The following ATG2B variants were observed in gnomAD, a reference collection of about 807,000 sequenced individuals.
ATG2B encodes the protein autophagy-related protein 2 homolog B.
Under a neutral mutation model 241.3 loss-of-function variants are expected in ATG2B, and 121 were observed. That is an observed-to-expected ratio of 0.50 (90% CI 0.43 to 0.58). The LOEUF (loss-of-function observed/expected upper bound fraction) is 0.58. Among genes scored for constraint, ATG2B ranks in the 20% least tolerant of loss-of-function variants. ATG2B has a pLI of 0.00. For missense variants in ATG2B, 2,306 were observed against 2,491.6 expected (o/e 0.93, Z 1.59); for synonymous variants, 858 against 876.6 (o/e 0.98, Z 0.37).
At chr14:96,321,519 C>T (rs1309330967) in intron 18 of ATG2B, among the ~76,000 whole-genome samples, 1 of 152,106 alleles carries the variant, frequency 6.6e-6, no homozygotes, top group Non-Finnish European at 1.5e-5. Context: ...GAGCCAGGAT[C>T]ATCTCCATTT....
chr14:96,331,699 A>G lies in ATG2B; in HGVS notation c.1469-62T>C, dbSNP rs1176860417. On this transcript the variant is annotated intron_variant, in intron 10 of 41. Transcript: ENST00000359933. ...TGACACATAAAACTATTAAAATTAT[A>G]AAACATTTACTCATTTATTAGCTTT... 11 of 1,276,140 alleles carry G rather than the reference A, an allele frequency of 8.6e-6. No individual in the cohort carries two copies. In the East Asian group the frequency reaches 2.3e-4, roughly 27 times the overall value. The allele number at this position is 1,276,140 out of a possible 1,614,324, so 79.1% of individuals were successfully genotyped here.
In ATG2B at chr14:96,294,700, G is replaced by A. The variant is rs1886581943; in HGVS notation, c.5426+260C>T. Among the ~76,000 whole-genome samples the A allele has an allele frequency of 1.3e-5, 2 of 152,168 alleles. 1 individual carries two copies. Among genetic ancestry groups the A allele is most frequent in the South Asian group, 4.1e-4 (2 of 4,830 alleles). Reference sequence around the variant, plus strand: ...TGCTGGAAAGAGGGGACAGAGGAGAGAAAAAGAAGGAAGAAGCTAGAAGAA... The same window carrying A: ...TGCTGGAAAGAGGGGACAGAGGAGAAAAAAAGAAGGAAGAAGCTAGAAGAA... On this transcript the variant is annotated intron_variant, in intron 36 of 41. Transcript: ENST00000359933.
At chr14:96,294,863 G>T in intron 36 of ATG2B, 97 bp downstream of exon 36, 3 of 1,091,336 alleles carry the variant, frequency 2.7e-6, no homozygotes, top group South Asian at 1.5e-5. Context: ...GCAAAGAAAA[G>T]CTGACGGAAC....
chr14:96,314,561 A>G (rs1887252008), intron 23 of ATG2B, among the ~76,000 whole-genome samples: 2 of 151,720 alleles, frequency 1.3e-5, no homozygotes, highest in Non-Finnish European at 2.9e-5. Context: ...GTCCTGGGAT[A>G]CAGAGTCCCT....
Position 96,289,650 on chromosome 14 carries a change from A to G in ATG2B, c.6006+6T>C, listed in dbSNP as rs747197195. ...TTCTGATGTGTCCACCCAAGTATTC[A>G]GTTACCTCTTTCACAACACTGTAGG... On this transcript the variant is annotated splice_donor_region_variant and intron_variant, in intron 41 of 41. Transcript: ENST00000359933. The surrounding 1 kb of genome is among the most constrained non-coding windows in gnomAD (Gnocchi z 4.3). The G allele has an allele frequency of 2.5e-6, 4 of 1,614,012 alleles. No homozygotes were observed. The Admixed American group carries it at 6.7e-5, about 27-fold the overall frequency.
intron 29 of ATG2B, 142 bp downstream of exon 29, chr14:96,309,311 T>C: frequency 9.5e-7 from 1 of 1,050,958 alleles, no homozygotes; most frequent in African/African-American, 1.6e-5. Context: ...AGACACTGAG[T>C]AGACACAAGC....
intron 18 of ATG2B, among the ~76,000 whole-genome samples, chr14:96,321,005 A>C (rs1887443347): frequency 3.3e-5 from 5 of 152,124 alleles, no homozygotes; most frequent in Admixed American, 2.6e-4. Context: ...TATAAATTTT[A>C]AAAGATTATT....
chr14:96,293,000 T>G (rs1886530600), intron 36 of ATG2B: 1 of 152,234 alleles, frequency 6.6e-6, no homozygotes, highest in Non-Finnish European at 1.5e-5. Context: ...ATTTGTATTA[T>G]TTTTATTGCC....
chr14:96,331,732 A>C (rs1887742604), intron 10 of ATG2B, 95 bp from the exon 11 acceptor site: 1 of 975,254 alleles, frequency 1.0e-6, no homozygotes, highest in African/African-American at 1.7e-5. Context: ...TTTAAAAAAC[A>C]GATGATCATA....
At position 96,306,729 on chromosome 14, in the gene ATG2B, TG is replaced by T. The variant is rs1886959704; in HGVS notation, c.4490del (p.Pro1497GlnfsTer14). The T allele has an allele frequency of 6.2e-7, 1 of 1,613,564 alleles. No individual in the cohort carries two copies. Among genetic ancestry groups the T allele is most frequent in the Non-Finnish European group, 8.5e-7 (1 of 1,179,714 alleles). On this transcript the variant is annotated frameshift_variant, in exon 30 of 42. Transcript: ENST00000359933. LOFTEE classifies it high-confidence loss of function. ...ENDDFCILFA[P>X]KAAMQEKEEE... ...AATTTATTACCTGCATGGCTGCTTT[TG>T]GTGCAAAAAGAATGCAAAAGTCATC...
chr14:96,341,476 G>T (rs1157683473), intron 6 of ATG2B, 46 bp downstream of exon 6: 18 of 1,429,030 alleles, frequency 1.3e-5, no homozygotes, highest in Non-Finnish European at 1.7e-5. Flanking sequence ...AAGAATACTT[G>T]TACTTTTATT....
At position 96,292,328 on chromosome 14, in the gene ATG2B, G is replaced by A. The variant is rs6575580; in HGVS notation, c.5427-230C>T. ...TATTATTATATTTGCATTTCTCACAGAAAGCTTTTCTTAGTTACGTCTATA... is the reference window on the plus strand; with the variant it reads ...TATTATTATATTTGCATTTCTCACAAAAAGCTTTTCTTAGTTACGTCTATA... On this transcript the variant is annotated intron_variant, in intron 36 of 41. Coordinates refer to ENST00000359933, the MANE Select transcript of ATG2B (RefSeq NM_018036.7). 0.78 allele frequency among the ~76,000 whole-genome samples: 118,021 copies of A among 152,052 alleles called. 46,352 individuals carry two copies. The highest frequency in any genetic ancestry group is 0.89 in the African/African-American group (37,130 of 41,512).
In ATG2B at chr14:96,313,096, C is replaced by T. The variant is rs766450496; in HGVS notation, c.3811G>A (p.Val1271Ile). The change falls in exon 25 of 42, where the codon GTT becomes ATT. Residue 1271 changes from valine to isoleucine, a missense_variant. Coordinates refer to ENST00000359933, the MANE Select transcript of ATG2B (RefSeq NM_018036.7). The stretch of plus-strand genomic sequence containing the variant: ...GTAGAGGAAGATTTATCCAATGCAA[C>T]GCTACTGGAAACACTGAATGTTTCC... The part of the protein sequence containing the change: ...TVETFSVSSS[V>I]ALDKSSSTLR... The T allele has an allele frequency of 8.7e-6, 14 of 1,612,920 alleles. No homozygotes were observed. Among genetic ancestry groups the T allele is most frequent in the South Asian group, 7.7e-5 (7 of 91,018 alleles).
chr14:96,301,970 T>A, intron 34 of ATG2B, 37 bp downstream of exon 34: 1 of 1,456,230 alleles, frequency 6.9e-7, no homozygotes. Context: ...CAGTCTAATC[T>A]AACTGTAACG....
rs752632784 is a variant in ATG2B, at chr14:96,325,646, T to C, written c.2437+3A>G. On this transcript the variant is annotated splice_donor_region_variant and intron_variant, in intron 15 of 41. Transcript: ENST00000359933. Reference sequence around the variant, plus strand: ...GTTCTTTTACAGGCACATTCAATCTTACCAATTAGTTCTCTAAAGGTAAGT... The same window carrying C: ...GTTCTTTTACAGGCACATTCAATCTCACCAATTAGTTCTCTAAAGGTAAGT... The C allele has an allele frequency of 1.1e-5, 18 of 1,608,890 alleles. No homozygotes were observed. Among genetic ancestry groups the C allele is most frequent in the South Asian group, 3.3e-5 (3 of 90,240 alleles).
At chr14:96,298,272 A>G (rs149372998) in intron 34 of ATG2B, among the ~76,000 whole-genome samples, 94 of 152,254 alleles carry the variant, frequency 6.2e-4, no homozygotes, top group African/African-American at 2.2e-3. Flanking sequence ...GAACGACAAT[A>G]CCAAGTTTGG....
chr14:96,327,317 A>C (rs1412937845), intron 14 of ATG2B, among the ~76,000 whole-genome samples: 1 of 152,142 alleles, frequency 6.6e-6, no homozygotes, highest in African/African-American at 2.4e-5. Context: ...GCAAAGAAGT[A>C]GAAAAATAAA....
rs1886446430 is a variant in ATG2B at position 96,290,190 on chromosome 14, G to A, written c.5856+246C>T. 3 of 1,293,696 alleles carry A rather than the reference G, an allele frequency of 2.3e-6. No homozygotes were observed. The highest frequency in any genetic ancestry group is 4.2e-5 in the South Asian group (2 of 47,638). The allele number at this position is 1,293,696 out of a possible 1,614,324, so 80.1% of individuals were successfully genotyped here. A position where few individuals can be genotyped will look rare whatever the true frequency, so the allele number is the denominator to read the frequency against. The stretch of plus-strand genomic sequence containing the variant: ...ACAAATATGGTGAAATCAATCCTCT[G>A]CTAACTTAATGTTTACAATTTACCT... On this transcript the variant is annotated intron_variant, in intron 40 of 41. Coordinates refer to ENST00000359933, the MANE Select transcript of ATG2B (RefSeq NM_018036.7). The surrounding 1 kb of genome is among the most constrained non-coding windows in gnomAD (Gnocchi z 4.4).
intron 33 of ATG2B, 146 bp downstream of exon 33, chr14:96,302,915 T>G (rs995399844): frequency 2.5e-5 from 15 of 588,820 alleles, no homozygotes; most frequent in African/African-American, 2.5e-4. Context: ...ACATAAAACT[T>G]TAAGCAATAC....
Sources: allele counts gnomAD v4.1 joint callset (sites outside exome capture counted in the v4.1 genomes callset), GRCh38; gene constraint gnomAD v4.1.1; non-coding constraint Gnocchi (gnomAD v3.1); transcripts MANE v1.5; gene names NCBI Gene and HGNC (gene_info 2026-07-23, HGNC 2026-07-21).